EYS: variants seen among roughly 807,000 people sequenced by gnomAD.
The protein encoded by EYS is protein eyes shut homolog.
EYS carries 250 observed loss-of-function variants against 282.1 expected under a neutral mutation model. That is an observed-to-expected ratio of 0.89 (90% CI 0.80 to 0.98). The LOEUF (loss-of-function observed/expected upper bound fraction) is 0.98, where lower values mean the gene tolerates loss of function less well. Among genes scored for constraint, EYS ranks in the 50% least tolerant of loss-of-function variants. The probability of loss-of-function intolerance (pLI) is 0.00; values close to 1 mark genes in which losing one functional copy is unlikely to be tolerated. For synonymous variants in EYS, 1,355 were observed against 1,282.9 expected, an observed-to-expected ratio of 1.06 and a Z score of -1.20; for missense variants, 4,016 against 3,709.0, an observed-to-expected ratio of 1.08 and a Z score of -2.15.
At chr6:64,881,734 A>C (rs1766925394) in intron 19 of EYS, among the ~76,000 whole-genome samples, 1 of 151,816 alleles carries the variant, frequency 6.6e-6, no homozygotes, top group Admixed American at 6.6e-5. Context: ...AACTCAATAA[A>C]ATAAGATATT....
intron 31 of EYS, among the ~76,000 whole-genome samples, chr6:64,145,413 A>G (rs955609313): frequency 2.0e-5 from 3 of 152,222 alleles, no homozygotes; most frequent in Admixed American, 2.0e-4. Context: ...AATGACACTT[A>G]GAAATAAAAG....
At chr6:64,146,072 T>C (rs929177750) in intron 31 of EYS, among the ~76,000 whole-genome samples, 1 of 152,166 alleles carries the variant, frequency 6.6e-6, no homozygotes, top group Non-Finnish European at 1.5e-5. Flanking sequence ...TCGTGTTGTA[T>C]AATCTTGAAG....
intron 12 of EYS, among the ~76,000 whole-genome samples, chr6:65,141,131 G>A (rs1036996846): frequency 1.3e-5 from 2 of 151,842 alleles, no homozygotes; most frequent in African/African-American, 4.8e-5. Flanking sequence ...AGAAAATGTG[G>A]CACATATACA....
intron 22 of EYS, among the ~76,000 whole-genome samples, chr6:64,753,291 T>C (rs1021579371): frequency 3.9e-5 from 6 of 151,938 alleles, no homozygotes; most frequent in African/African-American, 1.5e-4. Context: ...AAGATAGAGA[T>C]TGGTGTAATG....
intron 29 of EYS, among the ~76,000 whole-genome samples, chr6:64,319,754 G>C (rs1434600479): frequency 6.6e-6 from 1 of 151,836 alleles, no homozygotes; most frequent in Non-Finnish European, 1.5e-5. Context: ...CAGACAGACA[G>C]GAAGACAGAC....
chr6:63,923,865 A>T (rs1014522041), intron 35 of EYS, among the ~76,000 whole-genome samples: 7 of 152,254 alleles, frequency 4.6e-5, no homozygotes, highest in African/African-American at 1.7e-4. Flanking sequence ...TGCTTAGAAT[A>T]ATGTAAGCCT....
chr6:65,384,367 C>G lies in EYS; in HGVS notation c.1299+19G>C, dbSNP rs1765723201. The G allele has an allele frequency of 3.7e-6, 5 of 1,350,166 alleles. No individual in the cohort carries two copies. Among genetic ancestry groups the G allele is most frequent in the Non-Finnish European group, 5.3e-6 (5 of 944,038 alleles). The allele number at this position is 1,350,166 out of a possible 1,614,324, so 83.6% of individuals were successfully genotyped here. ...ATTTTGAAGGGCTAACTTATGTTGC[C>G]ATGTATTAAATTACTTACTTTGAAT... On this transcript the variant is annotated intron_variant, in intron 8 of 42. Coordinates refer to ENST00000503581, the MANE Select transcript of EYS (RefSeq NM_001142800.2).
chr6:65,513,742 C>A (rs369809491), intron 2 of EYS, among the ~76,000 whole-genome samples: 7 of 151,486 alleles, frequency 4.6e-5, no homozygotes, highest in African/African-American at 7.3e-5. Context: ...ATTCAACAAC[C>A]CTTCATGCTA....
intron 28 of EYS, among the ~76,000 whole-genome samples, chr6:64,404,569 G>C (rs1474432450): frequency 6.6e-6 from 1 of 152,124 alleles, no homozygotes; most frequent in African/African-American, 2.4e-5. Flanking sequence ...CCACGTGTCA[G>C]GCAAGACAGT....
chr6:63,839,540 G>T (rs963952798), intron 36 of EYS, among the ~76,000 whole-genome samples: 2 of 151,854 alleles, frequency 1.3e-5, no homozygotes, highest in African/African-American at 4.8e-5. Flanking sequence ...ATAGAAACAG[G>T]GTCTCACTAT....
intron 31 of EYS, among the ~76,000 whole-genome samples, chr6:64,097,138 C>T (rs1033321119): frequency 7.2e-5 from 11 of 152,076 alleles, no homozygotes; most frequent in East Asian, 1.9e-4. Flanking sequence ...AGTACCCAGC[C>T]GTGTGAGATG....
intron 2 of EYS, among the ~76,000 whole-genome samples, chr6:65,607,712 C>T (rs1157646251): frequency 6.6e-6 from 1 of 151,788 alleles, no homozygotes; most frequent in East Asian, 1.9e-4. Context: ...ATTATCTCAG[C>T]GAACAGAATG....
At chr6:63,833,939 GA>G (rs1771723368) in intron 36 of EYS, among the ~76,000 whole-genome samples, 1 of 152,142 alleles carries the variant, frequency 6.6e-6, no homozygotes, top group South Asian at 2.1e-4. Context: ...TGACAAATCT[GA>G]CAAAAACAAG....
chr6:64,439,002 T>C (rs1774844147), intron 27 of EYS, among the ~76,000 whole-genome samples, 160 bp downstream of exon 27: 1 of 151,720 alleles, frequency 6.6e-6, no homozygotes, highest in South Asian at 2.1e-4. Flanking sequence ...TTGGTTCATA[T>C]ATACATAGAA....
chr6:65,686,215 G>A (rs1769007963), intron 1 of EYS, among the ~76,000 whole-genome samples: 1 of 151,938 alleles, frequency 6.6e-6, no homozygotes, highest in South Asian at 2.1e-4. Context: ...TATTTAGACT[G>A]TATCAGAGCC....
chr6:64,833,419 T>C (rs1052297413), intron 19 of EYS, among the ~76,000 whole-genome samples: 1 of 151,872 alleles, frequency 6.6e-6, no homozygotes, highest in East Asian at 1.9e-4. Flanking sequence ...GTAAAAATAT[T>C]GAAATGTTAA....
chr6:65,067,860 G>A (rs1267283838), intron 12 of EYS, among the ~76,000 whole-genome samples: 1 of 151,942 alleles, frequency 6.6e-6, no homozygotes, highest in African/African-American at 2.4e-5. Flanking sequence ...TATATAATGA[G>A]CATAGAGTCA....
chr6:64,211,632 T>G (rs930084162), intron 31 of EYS, among the ~76,000 whole-genome samples: 48 of 147,728 alleles, frequency 3.2e-4, no homozygotes, highest in Admixed American at 2.6e-3. Context: ...TGAATTAAAT[T>G]TAGCAAAATT....
chr6:64,064,902 G>C (rs1771310732), intron 33 of EYS, among the ~76,000 whole-genome samples: 1 of 152,140 alleles, frequency 6.6e-6, no homozygotes. Context: ...CAAACACTTA[G>C]AAATGGTTGA....
Sources: allele counts gnomAD v4.1 joint callset (sites outside exome capture counted in the v4.1 genomes callset), GRCh38; gene constraint gnomAD v4.1.1; transcripts MANE v1.5; gene names NCBI Gene and HGNC (gene_info 2026-07-23, HGNC 2026-07-21).